HNRNPA1L3: variants seen among roughly 807,000 people sequenced by gnomAD.
HNRNPA1L3 encodes heterogeneous nuclear ribonucleoprotein A1-like 3.
the HNRNPA1L3 span, chr16:51,646,924 T>C: frequency 2.6e-6 from 2 of 771,056 alleles, no homozygotes; most frequent in South Asian, 1.5e-5. Flanking sequence ...CAAATACTCA[T>C]GTGTATAGGC....
At chr16:51,646,696 C>A in the HNRNPA1L3 span, 1 of 1,598,688 alleles carries the variant, frequency 6.3e-7, no homozygotes, top group Non-Finnish European at 8.5e-7. Context: ...GCGGTGGAGG[C>A]CAATACTTTG....
chr16:51,646,877 G>A, the HNRNPA1L3 span: 2 of 889,182 alleles, frequency 2.2e-6, no homozygotes, highest in Non-Finnish European at 3.6e-6. Context: ...CACAGTGGTG[G>A]CAGGGCCTAG....
chr16:51,646,104 A>C, the HNRNPA1L3 span: 13 of 1,596,210 alleles, frequency 8.1e-6, no homozygotes, highest in South Asian at 1.4e-4. Flanking sequence ...GAAGATTCTC[A>C]AAGACCAGAT....
chr16:51,645,861 A>G, the HNRNPA1L3 span: 1 of 1,606,822 alleles, frequency 6.2e-7, no homozygotes, highest in African/African-American at 1.3e-5. Flanking sequence ...CAGCTGAGGA[A>G]GCTCTTCATT....
At chr16:51,646,491 G>A in the HNRNPA1L3 span, 4,959 of 1,597,944 alleles carry the variant, frequency 3.1e-3, 127 homozygotes, top group African/African-American at 0.056. Context: ...TTCAGTGGTC[G>A]TGGTGGCTTT....
At chr16:51,646,459 C>T in the HNRNPA1L3 span, 1 of 1,595,936 alleles carries the variant, frequency 6.3e-7, no homozygotes, top group Non-Finnish European at 8.5e-7. Context: ...GTGGGAATGA[C>T]AACTTCGGTC....
At chr16:51,645,838 T>C in the HNRNPA1L3 span, 12 of 1,606,336 alleles carry the variant, frequency 7.5e-6, no homozygotes, top group East Asian at 2.2e-5. Flanking sequence ...CAGAGTCTCC[T>C]AAAGAGCCCG....
the HNRNPA1L3 span, chr16:51,646,272 C>A: frequency 3.1e-6 from 5 of 1,596,204 alleles, no homozygotes; most frequent in African/African-American, 4.0e-5. Context: ...GCCTTTGTAA[C>A]CTTTGACGAC....
At chr16:51,645,897 A>C in the HNRNPA1L3 span, 49 of 1,607,490 alleles carry the variant, frequency 3.0e-5, no homozygotes, top group Non-Finnish European at 3.9e-5. Flanking sequence ...GAAACAACTG[A>C]TGAGAGCCTG....
chr16:51,646,467 G>A, the HNRNPA1L3 span: 23 of 1,597,178 alleles, frequency 1.4e-5, no homozygotes, highest in Non-Finnish European at 1.6e-5. Context: ...GACAACTTCG[G>A]TCGTGGAGGA....
At chr16:51,646,516 T>G in the HNRNPA1L3 span, 57 of 1,597,590 alleles carry the variant, frequency 3.6e-5, no homozygotes, top group Admixed American at 3.2e-4. Context: ...GCAGCCGTGG[T>G]GGTGGTGGAT....
At chr16:51,646,727 G>A in the HNRNPA1L3 span, 1 of 1,598,448 alleles carries the variant, frequency 6.3e-7, no homozygotes, top group Non-Finnish European at 8.5e-7. Flanking sequence ...AAACCAAGGT[G>A]GCTATGGCGG....
the HNRNPA1L3 span, chr16:51,646,260 T>G: frequency 4.4e-6 from 7 of 1,596,556 alleles, no homozygotes; most frequent in Middle Eastern, 2.2e-4. Context: ...AAAAGGGGCT[T>G]TGCCTTTGTA....
At chr16:51,645,808 C>A in the HNRNPA1L3 span, 20 of 1,607,658 alleles carry the variant, frequency 1.2e-5, no homozygotes, top group Non-Finnish European at 1.6e-5. Context: ...TCTCTCTTCA[C>A]CCTGCCGTCA....
the HNRNPA1L3 span, chr16:51,645,888 A>G: frequency 6.2e-7 from 1 of 1,608,194 alleles, no homozygotes; most frequent in Non-Finnish European, 8.5e-7. Context: ...TTGAGCTTTG[A>G]AACAACTGAT....
At chr16:51,646,982 T>C in the HNRNPA1L3 span, 5,493 of 618,276 alleles carry the variant, frequency 8.9e-3, 161 homozygotes, top group African/African-American at 0.072. Flanking sequence ...ACAGGTTATT[T>C]TAGTTTCTGT....
chr16:51,646,112 G>A, the HNRNPA1L3 span: 1 of 1,596,194 alleles, frequency 6.3e-7, no homozygotes, highest in Non-Finnish European at 8.5e-7. Context: ...TCAAAGACCA[G>A]ATGCCCACTT....
the HNRNPA1L3 span, chr16:51,646,485 G>A: frequency 1.3e-6 from 2 of 1,597,944 alleles, no homozygotes; most frequent in South Asian, 1.1e-5. Context: ...GGAAACTTCA[G>A]TGGTCGTGGT....
the HNRNPA1L3 span, chr16:51,646,683 A>G: frequency 6.3e-7 from 1 of 1,598,662 alleles, no homozygotes; most frequent in South Asian, 1.1e-5. Context: ...TCTGGCCCCC[A>G]TGGCGGTGGA....
Sources: gnomAD v4.1 joint callset for allele counts on GRCh38, gnomAD v4.1.1 for gene constraint, MANE v1.5 for transcripts, NCBI Gene and HGNC (gene_info 2026-07-23, HGNC 2026-07-21) for gene names.